The following CTU2 variants were observed in gnomAD, a reference collection of about 807,000 sequenced individuals.
CTU2 encodes the protein cytoplasmic tRNA 2-thiolation protein 2.
Under a neutral mutation model 64.1 loss-of-function variants are expected in CTU2, and 80 were observed. The ratio of observed to expected loss-of-function variants is 1.25; its 90% confidence interval spans 1.04 to 1.50. The LOEUF is 1.50. Among genes scored for constraint, CTU2 ranks in the 40% most tolerant of loss-of-function variants. The pLI is 0.00. For missense variants in CTU2, 1,110 were observed against 690.2 expected (o/e 1.61, Z -6.81); for synonymous variants, 482 against 285.3 (o/e 1.69, Z -6.95).
In CTU2 at chr16:88,706,921, C is replaced by T. The variant is rs1023878413; in HGVS notation, c.69-215C>T. 5.2e-6 allele frequency: 3 copies of T among 576,306 alleles called. 1 individual carries two copies. Among genetic ancestry groups the T allele is most frequent in the South Asian group, 4.6e-5 (2 of 43,942 alleles). 35.7% of individuals were successfully genotyped at this position (576,306 alleles called of 1,614,324 possible). A position where few individuals can be genotyped will look rare whatever the true frequency, so the allele number is the denominator to read the frequency against. ...GAGACTGAAAAGCGGCCTTTATGTG[C>T]CCCCTGAGCCGGCTTTTCTAGGCTA... On this transcript the variant is annotated intron_variant, in intron 1 of 14. Coordinates refer to ENST00000453996, the MANE Select transcript of CTU2 (RefSeq NM_001012759.3).
At chr16:88,712,020 C>T (rs767180298) in intron 5 of CTU2, 2 of 6,892 alleles carry the variant, frequency 2.9e-4, no homozygotes, top group Non-Finnish European at 6.4e-4. Flanking sequence ...TGATGGTGAG[C>T]GGGGGCCCAG....
rs985393753 is a variant in CTU2 at position 88,714,668 on chromosome 16, C to T, written c.1283C>T (p.Thr428Ile). 1.9e-6 allele frequency: 3 copies of T among 1,612,502 alleles called. No individual in the cohort carries two copies. Among genetic ancestry groups the T allele is most frequent in the African/African-American group, 1.3e-5 (1 of 75,038 alleles). ...QSPIPLTETR[T>I]PPGPCCSPGV... Reference sequence around the variant, plus strand: ...CCCATCCCCCTGACTGAGACCCGGACACCCCCGGGGCCCTGCTGTTCTCCA... The same window carrying T: ...CCCATCCCCCTGACTGAGACCCGGATACCCCCGGGGCCCTGCTGTTCTCCA... Residue 428 changes from threonine (T) to isoleucine (I), a missense_variant, in exon 12 of 15, where the codon ACA (threonine) becomes ATA (isoleucine). By Grantham distance (89) the Thr-to-Ile change is moderately conservative (BLOSUM62 -1). Transcript: ENST00000453996.
At chr16:88,713,806 C>T in intron 9 of CTU2, 28 bp downstream of exon 9, 4 of 1,611,658 alleles carry the variant, frequency 2.5e-6, no homozygotes, top group Non-Finnish European at 3.4e-6. Flanking sequence ...GGCAACCTCT[C>T]TCACCATTGA....
rs747990110 is a variant in CTU2, at chr16:88,709,942, T to C, written c.148T>C (p.Cys50Arg). The C allele has an allele frequency of 1.2e-6, 2 of 1,613,802 alleles. No individual in the cohort carries two copies. Among genetic ancestry groups the C allele is most frequent in the Non-Finnish European group, 1.7e-6 (2 of 1,179,948 alleles). ...IRAGDAFCRDCFKAFYVHKFR... is the reference protein window; with the variant it reads ...IRAGDAFCRDRFKAFYVHKFR... ...CATCTCAGGTCTGTGTTGCAGGGAC[T>C]GTTTCAAGGCCTTCTACGTCCACAA... Residue 50 changes from cysteine to arginine, a missense_variant, in exon 3 of 15, where the codon TGT becomes CGT. Transcript: ENST00000453996.
chr16:88,710,197 CCT>C (rs1342947847), intron 3 of CTU2, 24 bp from the exon 4 acceptor site: 1 of 1,613,766 alleles, frequency 6.2e-7, no homozygotes, highest in Non-Finnish European at 8.5e-7. Flanking sequence ...GGTGCGGTGC[CCT>C]GAGTGATGTT....
Position 88,714,729 on chromosome 16 carries a change from C to G in CTU2, c.1344C>G (p.Ala448=), listed in dbSNP as rs530431829. The change falls in exon 12 of 15, where the codon GCC becomes GCG. Residue 448 remains alanine, a synonymous_variant. Coordinates refer to ENST00000453996, the MANE Select transcript of CTU2 (RefSeq NM_001012759.3). ...VGWAQRCGQG[A]CRREDPQACI... ...GGGCCCAGCGCTGTGGCCAGGGGGC[C>G]TGCAGGAGGTGAGTCCCTGTCCCTG... The G allele has an allele frequency of 3.1e-6, 5 of 1,607,370 alleles. No individual in the cohort carries two copies. The highest frequency in any genetic ancestry group is 1.3e-5 in the African/African-American group (1 of 74,792).
In CTU2 at chr16:88,714,214, A is replaced by G; in HGVS notation, c.1084A>G (p.Ser362Gly). The G allele has an allele frequency of 6.3e-7, 1 of 1,591,668 alleles. No individual in the cohort carries two copies. Among genetic ancestry groups the G allele is most frequent in the African/African-American group, 1.5e-5 (1 of 68,806 alleles). The change falls in exon 10 of 15, where the codon AGC becomes GGC. Residue 362 changes from serine to glycine, a missense_variant. Ser to Gly is a moderately conservative substitution (Grantham distance 56). Transcript: ENST00000453996. ...RLQTQFPSTV[S>G]TVYRTSEKLV... ...GCAGACCCAGTTCCCCTCCACTGTCAGCACTGTGTACAGGTGTGGGTGTGT... is the reference window on the plus strand; with the variant it reads ...GCAGACCCAGTTCCCCTCCACTGTCGGCACTGTGTACAGGTGTGGGTGTGT...
rs955733626 is a variant in CTU2, at chr16:88,713,842, G to A, written c.1005+64G>A. On this transcript the variant is annotated intron_variant, in intron 9 of 14. Transcript: ENST00000453996. ...CACCGGGGTGGGCCATGTGGGCTGG[G>A]CAGCCTCTCACAGGCTCAGGTCACC... 3.6e-5 allele frequency: 58 copies of A among 1,599,280 alleles called. 1 individual carries two copies. The South Asian group carries it at 6.4e-4, about 18-fold the overall frequency.
intron 1 of CTU2, 38 bp downstream of exon 1, chr16:88,706,636 G>A (rs1597419337): frequency 2.2e-6 from 3 of 1,347,988 alleles, no homozygotes; most frequent in Non-Finnish European, 2.9e-6. Context: ...GCCGCCCCTC[G>A]CCTTCCCGCC....
chr16:88,713,566 T>A, intron 8 of CTU2, 81 bp from the exon 9 acceptor site: 2 of 1,566,890 alleles, frequency 1.3e-6, no homozygotes, highest in Non-Finnish European at 1.7e-6. Flanking sequence ...GTGGGGTCTG[T>A]GACCTCCCCT....
Position 88,711,655 on chromosome 16 carries a change from C to T in CTU2, c.303C>T (p.Ala101=), listed in dbSNP as rs1210256787. 1.9e-6 allele frequency: 3 copies of T among 1,607,540 alleles called. No homozygotes were observed. Among genetic ancestry groups the T allele is most frequent in the South Asian group, 2.2e-5 (2 of 89,900 alleles). ...QVLEGLSQDS[A]KRLRFVAGVI... is the part of the protein sequence containing the mutation. ...TCTAGGGCCTGAGCCAAGATTCTGC[C>T]AAAAGACTGCGCTTTGTGGCAGGAG... Residue 101 remains alanine (A), a synonymous_variant, in exon 5 of 15, where the codon GCC becomes GCT. Coordinates refer to ENST00000453996, the MANE Select transcript of CTU2 (RefSeq NM_001012759.3).
rs752554569 is a variant in CTU2 at position 88,712,305 on chromosome 16, G to A, written c.375G>A (p.Glu125=). Residue 125 remains glutamate (E), a synonymous_variant, in exon 6 of 15, where the codon GAG becomes GAA. Transcript: ENST00000453996. ...CAGCCTGTGGCCAGAGCCTAGAGGAGAGATCAAAGACCCTGGCCGAAGTGA... is the reference window on the plus strand; with the variant it reads ...CAGCCTGTGGCCAGAGCCTAGAGGAAAGATCAAAGACCCTGGCCGAAGTGA... ...EGAACGQSLE[E]RSKTLAEVKP... 11 of 1,608,476 alleles carry A rather than the reference G, an allele frequency of 6.8e-6. No individual in the cohort carries two copies. The highest frequency in any genetic ancestry group is 4.0e-5 in the African/African-American group (3 of 74,824).
Position 88,710,577 on chromosome 16 carries a change from A to G in CTU2, c.282+295A>G, listed in dbSNP as rs533460954. ...TCTCAGATGTGTTTACAGCAGGTGC[A>G]CAAATCAGAAGCTGGGTCCACAGTG... On this transcript the variant is annotated intron_variant, in intron 4 of 14. Coordinates refer to ENST00000453996, the MANE Select transcript of CTU2 (RefSeq NM_001012759.3). The G allele has an allele frequency of 1.2e-3, 525 of 426,176 alleles. 4 individuals carry two copies. Among genetic ancestry groups the G allele is most frequent in the African/African-American group, 9.9e-3 (489 of 49,146 alleles). The allele number at this position is 426,176 out of a possible 1,614,324, so 26.4% of individuals were successfully genotyped here. A position where few individuals can be genotyped will look rare whatever the true frequency, so the allele number is the denominator to read the frequency against.
chr16:88,713,623 C>T (rs1911562399), intron 8 of CTU2, 24 bp from the exon 9 acceptor site: 1 of 1,607,360 alleles, frequency 6.2e-7, no homozygotes, highest in Non-Finnish European at 8.5e-7. Flanking sequence ...TTGACCTGGA[C>T]CACACAGCCC....
intron 5 of CTU2, 50 bp downstream of exon 5, chr16:88,711,745 C>G: frequency 1.3e-6 from 2 of 1,543,668 alleles, no homozygotes; most frequent in Non-Finnish European, 1.8e-6. Flanking sequence ...GGGGTAAGCC[C>G]TGCGGATCCT....
chr16:88,714,940 CA>C lies in CTU2; in HGVS notation c.1419+15del. ...ATGAAGGACTTGGTGAGTACGTGCCCACCTGTCCTGGGCCGGGCTTGGGGAC... is the reference window on the plus strand; with the variant it reads ...ATGAAGGACTTGGTGAGTACGTGCCCCCTGTCCTGGGCCGGGCTTGGGGAC... On this transcript the variant is annotated intron_variant, in intron 13 of 14. Transcript: ENST00000453996. The C allele has an allele frequency of 6.2e-7, 1 of 1,612,338 alleles. No homozygotes were observed. The highest frequency in any genetic ancestry group is 8.5e-7 in the Non-Finnish European group (1 of 1,179,732).
At chr16:88,708,750 G>T (rs1395502510) in intron 2 of CTU2, among the ~76,000 whole-genome samples, 1 of 152,174 alleles carries the variant, frequency 6.6e-6, no homozygotes, top group African/African-American at 2.4e-5. Context: ...GGAAGGAAGA[G>T]ACTTAGAGCC....
In CTU2 at chr16:88,714,705, G is replaced by T; in HGVS notation, c.1320G>T (p.Trp440Cys). The change falls in exon 12 of 15, where the codon TGG becomes TGT. Residue 440 changes from tryptophan to cysteine, a missense_variant. Coordinates refer to ENST00000453996, the MANE Select transcript of CTU2 (RefSeq NM_001012759.3). ...PGPCCSPGVG[W>C]AQRCGQGACR... ...CCTGCTGTTCTCCAGGGGTGGGCTG[G>T]GCCCAGCGCTGTGGCCAGGGGGCCT... is the stretch of plus-strand genomic sequence containing the variant. 6.2e-7 allele frequency: 1 copy of T among 1,610,432 alleles called. No homozygotes were observed. The highest frequency in any genetic ancestry group is 8.5e-7 in the Non-Finnish European group (1 of 1,178,816).
At chr16:88,712,148 G>A (rs1370983546) in intron 5 of CTU2, 126 bp from the exon 6 acceptor site, 1 of 834,300 alleles carries the variant, frequency 1.2e-6, no homozygotes, top group East Asian at 2.6e-5. Context: ...ACACCCCACA[G>A]CTCCGCCAGG....
Sources: gnomAD v4.1 joint callset for allele counts (sites outside exome capture counted in the v4.1 genomes callset) on GRCh38, gnomAD v4.1.1 for gene constraint, MANE v1.5 for transcripts, NCBI Gene and HGNC (gene_info 2026-07-23, HGNC 2026-07-21) for gene names.